Variants in PCDHGA1 observed in about 807,000 individuals in gnomAD.
PCDHGA1 encodes the protein protocadherin gamma-A1.
In PCDHGA1, 32 loss-of-function variants were observed where a neutral mutation model predicts 58.0. The observed-to-expected ratio is 0.55, with a 90% CI of 0.42 to 0.74. PCDHGA1 has a LOEUF of 0.74. PCDHGA1 is among the 30% of genes least tolerant of loss of function. The probability of loss-of-function intolerance (pLI) is 0.00; values close to 1 mark genes in which losing one functional copy is unlikely to be tolerated. For missense variants in PCDHGA1, 1,205 were observed against 1,182.3 expected (o/e 1.02, Z -0.28); for synonymous variants, 498 against 501.1 (o/e 0.99, Z 0.08).
Position 141,432,972 on chromosome 5 carries a change from C to T in PCDHGA1, c.2422-61835C>T. 1 of 1,614,218 alleles carries T rather than the reference C, an allele frequency of 6.2e-7. No homozygotes were observed. Among genetic ancestry groups the T allele is most frequent in the African/African-American group, 1.3e-5 (1 of 75,058 alleles). ...GGCGGCTTGACAGGAGCGCCGGCGT[C>T]GCACTTTGTGGGCGTGGACGGGGTG... On this transcript the variant is annotated intron_variant, in intron 1 of 3. Coordinates refer to ENST00000517417, the MANE Select transcript of PCDHGA1 (RefSeq NM_018912.3). This position sits in a 1 kb window ranked among gnomAD's most constrained non-coding sequence, Gnocchi z 6.0.
Position 141,374,612 on chromosome 5 carries a change from C to T in PCDHGA1, c.2421+41507C>T. The T allele has an allele frequency of 1.9e-6, 3 of 1,613,552 alleles. 1 individual carries two copies. The highest frequency in any genetic ancestry group is 1.1e-5 in the South Asian group (1 of 91,056). On this transcript the variant is annotated intron_variant, in intron 1 of 3. Transcript: ENST00000517417. ...GGGATTTAAGCTCAGTGGTAATAGT[C>T]ACTTCTCAGTGGACGTGCAAAGCGA...
intron 1 of PCDHGA1, chr5:141,403,476 A>T: frequency 6.2e-7 from 1 of 1,613,972 alleles, no homozygotes; most frequent in Non-Finnish European, 8.5e-7. Flanking sequence ...CTCAGCCCCA[A>T]TCACCACTTC....
intron 1 of PCDHGA1, chr5:141,385,132 G>C (rs763210124): frequency 1.2e-6 from 2 of 1,614,094 alleles, no homozygotes; most frequent in African/African-American, 1.3e-5. Flanking sequence ...GGGCATGGAC[G>C]GGGTGCAGGC....
chr5:141,383,235 T>C (rs1205858909), intron 1 of PCDHGA1: 2 of 1,613,838 alleles, frequency 1.2e-6, no homozygotes, highest in Admixed American at 3.3e-5. Flanking sequence ...TGATGGAAGA[T>C]AAAATGAATC....
intron 1 of PCDHGA1, among the ~76,000 whole-genome samples, chr5:141,387,391 A>T (rs1029358024): frequency 4.6e-5 from 7 of 152,220 alleles, no homozygotes; most frequent in Non-Finnish European, 1.0e-4. Context: ...TAGATAGTGC[A>T]TGTTTGAAGA....
chr5:141,413,272 C>T lies in PCDHGA1; in HGVS notation c.2421+80167C>T, dbSNP rs753942667. Reference sequence around the variant, plus strand: ...CGGGATTCCATGGGAGGCTGGAGCCCGGCAGATCTCCTACTCAATTCCTGA... The same window carrying T: ...CGGGATTCCATGGGAGGCTGGAGCCTGGCAGATCTCCTACTCAATTCCTGA... On this transcript the variant is annotated intron_variant, in intron 1 of 3. Coordinates refer to ENST00000517417, the MANE Select transcript of PCDHGA1 (RefSeq NM_018912.3). 8.1e-6 allele frequency: 13 copies of T among 1,613,944 alleles called. No individual in the cohort carries two copies. In the South Asian group the frequency reaches 1.4e-4, roughly 18 times the overall value.
At chr5:141,337,803 C>G (rs1171679411) in intron 1 of PCDHGA1, among the ~76,000 whole-genome samples, 1 of 152,148 alleles carries the variant, frequency 6.6e-6, no homozygotes, top group Non-Finnish European at 1.5e-5. Flanking sequence ...AAGAAGACAT[C>G]CACTGCATTG....
At position 141,511,235 on chromosome 5, in the gene PCDHGA1, C is replaced by G; in HGVS notation, c.*62C>G. On this transcript the variant is annotated 3_prime_UTR_variant, in exon 4 of 4. Transcript: ENST00000517417. ...CCCCAACCAGCCCAGCTTCTCCTTA[C>G]CTGCACCCAGGCCTCAGAGTTTCAG... 2 of 1,592,936 alleles carry G rather than the reference C, an allele frequency of 1.3e-6. No homozygotes were observed. The highest frequency in any genetic ancestry group is 1.7e-6 in the Non-Finnish European group (2 of 1,169,652).
intron 1 of PCDHGA1, chr5:141,413,669 A>C: frequency 6.2e-7 from 1 of 1,613,844 alleles, no homozygotes; most frequent in South Asian, 1.1e-5. Flanking sequence ...ATTGATCCGG[A>C]TGTGGGCGTG....
chr5:141,394,864 C>G lies in PCDHGA1; in HGVS notation c.2421+61759C>G. Reference sequence around the variant, plus strand: ...GGCAGTCTGAAGCCTTCGGTCGACCCGAACGATTCGAGCCTTACACTCTAT... The same window carrying G: ...GGCAGTCTGAAGCCTTCGGTCGACCGGAACGATTCGAGCCTTACACTCTAT... On this transcript the variant is annotated intron_variant, in intron 1 of 3. Coordinates refer to ENST00000517417, the MANE Select transcript of PCDHGA1 (RefSeq NM_018912.3). The G allele has an allele frequency of 1.2e-6, 2 of 1,613,780 alleles. No individual in the cohort carries two copies. The highest frequency in any genetic ancestry group is 1.7e-6 in the Non-Finnish European group (2 of 1,179,900).
At position 141,347,613 on chromosome 5, in the gene PCDHGA1, C is replaced by G. The variant is rs537154488; in HGVS notation, c.2421+14508C>G. On this transcript the variant is annotated intron_variant, in intron 1 of 3. Coordinates refer to ENST00000517417, the MANE Select transcript of PCDHGA1 (RefSeq NM_018912.3). ...AACACCCTGGCCAACATGGTGAAAG[C>G]CTGTCTCTACTAAAAATACAAAAAT... Among the ~76,000 whole-genome samples the G allele has an allele frequency of 2.0e-5, 3 of 152,124 alleles. No homozygotes were observed. In the South Asian group the frequency reaches 6.2e-4, roughly 32 times the overall value.
intron 2 of PCDHGA1, among the ~76,000 whole-genome samples, chr5:141,500,289 A>G (rs1440166636): frequency 6.6e-6 from 1 of 151,486 alleles, no homozygotes; most frequent in African/African-American, 2.4e-5. Flanking sequence ...GCTCACTGCA[A>G]GCTCCGCCTC....
intron 1 of PCDHGA1, chr5:141,375,886 C>A: frequency 1.2e-6 from 2 of 1,613,822 alleles, no homozygotes; most frequent in South Asian, 2.2e-5. Flanking sequence ...CGGGCCAGAA[C>A]GCCTGGCTGT....
chr5:141,381,826 CTTTTT>C lies in PCDHGA1; in HGVS notation c.2421+48739_2421+48743del, dbSNP rs770630741. Among the ~76,000 whole-genome samples, 483 of 74,304 alleles carry C rather than the reference CTTTTT, an allele frequency of 6.5e-3. 2 individuals are homozygous for C. The highest frequency in any genetic ancestry group is 0.026 in the African/African-American group (418 of 16,208). 48.7% of individuals were successfully genotyped at this position (74,304 alleles called of 152,430 possible). On this transcript the variant is annotated intron_variant, in intron 1 of 3. Coordinates refer to ENST00000517417, the MANE Select transcript of PCDHGA1 (RefSeq NM_018912.3). ...TTTCTTTCTTTCTTTCTTTCTTCTT[CTTTTT>C]TTTTTTTTTTTTTTTTTGGCAGAGT...
In PCDHGA1 at chr5:141,472,994, A is replaced by G. The variant is rs188075835; in HGVS notation, c.2422-21813A>G. Among the ~76,000 whole-genome samples, 1,141 of 151,802 alleles carry G rather than the reference A, an allele frequency of 7.5e-3. 5 individuals carry two copies. The highest frequency in any genetic ancestry group is 0.017 in the Middle Eastern group (5 of 294). ...AGAGTGAAACTCAAAAAAAAAAAAA[A>G]AAAGAAAGAAAAAGAAAAAGAAAGA... On this transcript the variant is annotated intron_variant, in intron 1 of 3. Transcript: ENST00000517417.
At position 141,350,164 on chromosome 5, in the gene PCDHGA1, T is replaced by G. The variant is rs1588479597; in HGVS notation, c.2421+17059T>G. The G allele has an allele frequency of 2.1e-5, 24 of 1,151,208 alleles. No individual in the cohort carries two copies. The East Asian group carries it at 6.5e-4, about 31-fold the overall frequency. The allele number at this position is 1,151,208 out of a possible 1,614,324, so 71.3% of individuals were successfully genotyped here. A position where few individuals can be genotyped will look rare whatever the true frequency, so the allele number is the denominator to read the frequency against. On this transcript the variant is annotated intron_variant, in intron 1 of 3. Coordinates refer to ENST00000517417, the MANE Select transcript of PCDHGA1 (RefSeq NM_018912.3). ...TCCTGTTCACCCTCGAGCGCCTAAC[T>G]AATAAGTCCTAAGCTCAAATCACAG... is the stretch of plus-strand genomic sequence containing the variant.
chr5:141,466,809 CA>C (rs1454424644), intron 1 of PCDHGA1, among the ~76,000 whole-genome samples: 1 of 152,102 alleles, frequency 6.6e-6, no homozygotes, highest in Non-Finnish European at 1.5e-5. Flanking sequence ...CCTATTCAGA[CA>C]TGGTATAACA....
At chr5:141,439,796 G>C (rs980000701) in intron 1 of PCDHGA1, 4 of 152,318 alleles carry the variant, frequency 2.6e-5, no homozygotes, top group African/African-American at 9.6e-5. Flanking sequence ...AATCCAAGAA[G>C]AGTTTGAAAA....
intron 1 of PCDHGA1, among the ~76,000 whole-genome samples, chr5:141,382,019 G>T (rs1777875192): frequency 6.6e-6 from 1 of 151,628 alleles, no homozygotes; most frequent in South Asian, 2.1e-4. Flanking sequence ...AGTAGAGACG[G>T]GGTTTCTCCA....
Sources: allele counts gnomAD v4.1 joint callset (sites outside exome capture counted in the v4.1 genomes callset), GRCh38; gene constraint gnomAD v4.1.1; non-coding constraint Gnocchi (gnomAD v3.1); transcripts MANE v1.5; gene names NCBI Gene and HGNC (gene_info 2026-07-23, HGNC 2026-07-21).